Variants in OBSL1 observed in about 807,000 individuals in gnomAD.
OBSL1 encodes the protein obscurin like cytoskeletal adaptor 1.
A neutral mutation model predicts 172.0 loss-of-function variants in OBSL1; 160 were observed. The ratio of observed to expected loss-of-function variants is 0.93; its 90% confidence interval spans 0.82 to 1.06. The LOEUF (loss-of-function observed/expected upper bound fraction) is 1.06. Ranked by LOEUF, OBSL1 falls within the 50% of genes least tolerant of loss-of-function variation. The pLI, the probability that OBSL1 is intolerant of heterozygous loss-of-function variation, is 0.00. For synonymous variants in OBSL1, 1,200 were observed against 1,196.3 expected (o/e 1.00, Z -0.06); for missense variants, 2,681 against 2,715.4 (o/e 0.99, Z 0.28).
chr2:219,552,657 G>T lies in OBSL1; in HGVS notation c.5187C>A (p.Ser1729Arg). ...VAVLSELRSV[S>R]AREGDGATFE... ...ACGTAGCGCCGTCGCCTTCGCGGGC[G>T]CTCACCGACCGCAGCTCGGAGAGTA... The change falls in exon 18 of 21, where the codon AGC becomes AGA. Residue 1729 changes from serine (S) to arginine (R), a missense_variant. By Grantham distance (110) the Ser-to-Arg change is moderately radical. Around this residue, in one of 5 missense-constraint regions of OBSL1, gnomAD observed 1,765 missense variants for 1,748.3 expected, o/e 1.01. Transcript: ENST00000404537. 2 of 1,543,160 alleles carry T rather than the reference G, an allele frequency of 1.3e-6. No individual in the cohort carries two copies. The highest frequency in any genetic ancestry group is 1.7e-6 in the Non-Finnish European group (2 of 1,148,518).
rs1314315972 is a variant in OBSL1, at chr2:219,562,588, A to G, written c.2767T>C (p.Cys923Arg). 2 of 1,612,108 alleles carry G rather than the reference A, an allele frequency of 1.2e-6. No homozygotes were observed. Among genetic ancestry groups the G allele is most frequent in the African/African-American group, 1.3e-5 (1 of 75,022 alleles). The change falls in exon 8 of 21, where the codon TGC becomes CGC. Residue 923 changes from cysteine (C) to arginine (R), a missense_variant. Cys to Arg is a radical substitution (Grantham distance 180). This residue lies in a region of OBSL1 where 1,765 missense variants were observed against 1,748.3 expected (regional missense o/e 1.01). Coordinates refer to ENST00000404537, the MANE Select transcript of OBSL1 (RefSeq NM_015311.3). ...CAGCGCACCTCTGCCCAGGGCCGGC[A>G]TAGCTCACAGGTCAGCACCACACGC... ...LERVVLTCEL[C>R]RPWAEVRWTK...
chr2:219,570,661 CTCGCG>C lies in OBSL1; in HGVS notation c.567_571del (p.Ala190ProfsTer62). 1 of 1,507,844 alleles carries C rather than the reference CTCGCG, an allele frequency of 6.6e-7. No homozygotes were observed. 93.4% of individuals were successfully genotyped at this position (1,507,844 alleles called of 1,614,324 possible). A position where few individuals can be genotyped will look rare whatever the true frequency, so the allele number is the denominator to read the frequency against. On this transcript the variant is annotated frameshift_variant, in exon 1 of 21. Transcript: ENST00000404537. LOFTEE classifies it high-confidence loss of function. ...AGCCGCCAGGATGCGCAGTGCCAGG[CTCGCG>C]CCGGGGCCGTCCTCGGCGCGGCCCG...
chr2:219,568,334 G>T lies in OBSL1; in HGVS notation c.1013-10C>A, dbSNP rs753624080. 1.9e-6 allele frequency: 3 copies of T among 1,593,954 alleles called. No individual in the cohort carries two copies. The highest frequency in any genetic ancestry group is 1.7e-5 in the Admixed American group (1 of 57,406). On this transcript the variant is annotated splice_polypyrimidine_tract_variant and intron_variant, in intron 1 of 20. Transcript: ENST00000404537. This position sits in a 1 kb window ranked among gnomAD's most constrained non-coding sequence, Gnocchi z 4.1. ...AACCGGAGGCGGGGCTCTGTGGAGAGGGGAGAGAGAGACAAGAGAGGGCTC... is the reference window on the plus strand; with the variant it reads ...AACCGGAGGCGGGGCTCTGTGGAGATGGGAGAGAGAGACAAGAGAGGGCTC...
chr2:219,570,045 C>A (rs1697218980), intron 1 of OBSL1, among the ~76,000 whole-genome samples, 176 bp downstream of exon 1: 1 of 152,198 alleles, frequency 6.6e-6, no homozygotes. Flanking sequence ...ACCCTGGAGA[C>A]CTACTAAATC....
Position 219,557,422 on chromosome 2 carries a change from C to T in OBSL1, c.3987G>A (p.Gln1329=). The T allele has an allele frequency of 1.9e-6, 3 of 1,549,192 alleles. No homozygotes were observed. Among genetic ancestry groups the T allele is most frequent in the Non-Finnish European group, 1.7e-6 (2 of 1,147,076 alleles). Residue 1329 remains glutamine, a synonymous_variant, in exon 12 of 21, where the codon CAG becomes CAA. Transcript: ENST00000404537. The part of the protein sequence containing the change: ...QAGARQVLRV[Q]GARSGDAGEY... ...CCCCAGCGTCCCCGCTCCGTGCCCC[C>T]TGCACCCGCAGCACCTGCCTGGCCC...
In OBSL1 at chr2:219,554,656, T is replaced by C. The variant is rs1311794473; in HGVS notation, c.4694A>G (p.Gln1565Arg). Residue 1565 changes from glutamine to arginine, a missense_variant, in exon 15 of 21, where the codon CAG becomes CGG. Physicochemically the swap from Gln to Arg is conservative, Grantham distance 43. Around this residue, in one of 5 missense-constraint regions of OBSL1, gnomAD observed 1,765 missense variants for 1,748.3 expected, o/e 1.01. Coordinates refer to ENST00000404537, the MANE Select transcript of OBSL1 (RefSeq NM_015311.3). ...GGCCCACTCCCCGGTCACACCTTCCTGGGACAGCTCCAGCTGGAAGGTGGC... is the reference window on the plus strand; with the variant it reads ...GGCCCACTCCCCGGTCACACCTTCCCGGGACAGCTCCAGCTGGAAGGTGGC... ...GSATFQLELS[Q>R]EGVTGEWARG... is the part of the protein sequence containing the mutation. 1 of 1,607,120 alleles carries C rather than the reference T, an allele frequency of 6.2e-7. No homozygotes were observed.
At position 219,570,721 on chromosome 2, in the gene OBSL1, A is replaced by C; in HGVS notation, c.512T>G (p.Val171Gly). ...GAGCGCGAAGTGGCTGCTGTCCCAC[A>C]CTTCGTCCAGGGCCATCCCGTCCTT... ...WEKDGMALDEVWDSSHFALQP... is the reference protein window; with the variant it reads ...WEKDGMALDEGWDSSHFALQP... Residue 171 changes from valine (V) to glycine (G), a missense_variant, in exon 1 of 21, where the codon GTG becomes GGG. Around this residue, in one of 5 missense-constraint regions of OBSL1, gnomAD observed 706 missense variants for 695.8 expected, o/e 1.01. Transcript: ENST00000404537. 2 of 1,510,686 alleles carry C rather than the reference A, an allele frequency of 1.3e-6. No individual in the cohort carries two copies. The highest frequency in any genetic ancestry group is 1.8e-6 in the Non-Finnish European group (2 of 1,136,328). The allele number at this position is 1,510,686 out of a possible 1,614,324, so 93.6% of individuals were successfully genotyped here. A position where few individuals can be genotyped will look rare whatever the true frequency, so the allele number is the denominator to read the frequency against.
At chr2:219,569,868 G>C (rs1697207865) in intron 1 of OBSL1, among the ~76,000 whole-genome samples, 1 of 152,224 alleles carries the variant, frequency 6.6e-6, no homozygotes, top group Admixed American at 6.5e-5. Flanking sequence ...TTGGGGCTCT[G>C]GTTGTGAATT....
At chr2:219,557,104 G>A (rs142375064) in intron 12 of OBSL1, 178 of 499,026 alleles carry the variant, frequency 3.6e-4, no homozygotes, top group African/African-American at 2.9e-3. Flanking sequence ...ACAGAATCTA[G>A]GCTGGAACCT....
At chr2:219,548,064 G>A (rs1475227165), downstream of OBSL1, 1 of 1,566,328 alleles carries the variant, frequency 6.4e-7, no homozygotes, top group East Asian at 2.3e-5. Flanking sequence ...ACAGCTGAGG[G>A]GGACTCCCAC....
chr2:219,570,454 C>A lies in OBSL1; in HGVS notation c.779G>T (p.Gly260Val). 2 of 1,613,116 alleles carry A rather than the reference C, an allele frequency of 1.2e-6. No homozygotes were observed. Among genetic ancestry groups the A allele is most frequent in the Non-Finnish European group, 1.7e-6 (2 of 1,179,564 alleles). ...GTAGCAGCGGAACTTGGCGTGCTTG[C>A]CCTCGTTCACCCAGAAGGTCTTAGG... Reference protein sequence around the residue: ...CAPKTFWVNEGKHAKFRCYVM... With the variant: ...CAPKTFWVNEVKHAKFRCYVM... The change falls in exon 1 of 21, where the codon GGC (glycine) becomes GTC (valine). Residue 260 changes from glycine (G) to valine (V), a missense_variant. Gly to Val is a moderately radical substitution (Grantham distance 109). Coordinates refer to ENST00000404537, the MANE Select transcript of OBSL1 (RefSeq NM_015311.3).
chr2:219,568,391 T>G lies in OBSL1; in HGVS notation c.1013-67A>C. On this transcript the variant is annotated intron_variant, in intron 1 of 20. Coordinates refer to ENST00000404537, the MANE Select transcript of OBSL1 (RefSeq NM_015311.3). The surrounding 1 kb of genome is among the most constrained non-coding windows in gnomAD (Gnocchi z 4.1). The stretch of plus-strand genomic sequence containing the variant: ...AGGCCCAGACTAGGAGTAGGATACC[T>G]AGAAGCGCATTAGCTCATGCTGTGT... 7.0e-7 allele frequency: 1 copy of G among 1,437,552 alleles called. No individual in the cohort carries two copies. Among genetic ancestry groups the G allele is most frequent in the Admixed American group, 2.1e-5 (1 of 46,610 alleles). The allele number at this position is 1,437,552 out of a possible 1,614,324, so 89.0% of individuals were successfully genotyped here.
In OBSL1 at chr2:219,563,595, G is replaced by C; in HGVS notation, c.2440C>G (p.His814Asp). ...PPVHIVDPRE[H>D]VFVHAITSEC... The stretch of plus-strand genomic sequence containing the variant: ...GAAGTTATGGCATGCACGAACACAT[G>C]TTCTCGGGGGTCCACGATGTGCACG... The change falls in exon 7 of 21, where the codon CAT (histidine) becomes GAT (aspartate). Residue 814 changes from histidine (H) to aspartate (D), a missense_variant. Physicochemically the swap from His to Asp is moderately conservative, Grantham distance 81. This residue lies in a region of OBSL1 where 1,765 missense variants were observed against 1,748.3 expected (regional missense o/e 1.01). Transcript: ENST00000404537. 6.2e-7 allele frequency: 1 copy of C among 1,613,604 alleles called. No homozygotes were observed. The highest frequency in any genetic ancestry group is 8.5e-7 in the Non-Finnish European group (1 of 1,179,734).
chr2:219,570,740 C>G lies in OBSL1; in HGVS notation c.493G>C (p.Gly165Arg). ...TCCCACACTTCGTCCAGGGCCATCC[C>G]GTCCTTCTCCCAGTACAGTGTGGGC... ...PEPTLYWEKD[G>R]MALDEVWDSS... is the part of the protein sequence containing the mutation. Residue 165 changes from glycine (G) to arginine (R), a missense_variant, in exon 1 of 21, where the codon GGG becomes CGG. Transcript: ENST00000404537. 1.3e-6 allele frequency: 2 copies of G among 1,510,510 alleles called. No homozygotes were observed. Among genetic ancestry groups the G allele is most frequent in the Non-Finnish European group, 8.8e-7 (1 of 1,136,508 alleles). The allele number at this position is 1,510,510 out of a possible 1,614,324, so 93.6% of individuals were successfully genotyped here.
At chr2:219,556,799 A>C in intron 12 of OBSL1, 76 bp from the exon 13 acceptor site, 1 of 1,442,226 alleles carries the variant, frequency 6.9e-7, no homozygotes, top group Middle Eastern at 1.8e-4. Context: ...CTCAGGATGC[A>C]GGCCCTCGTC....
rs562304796 is a variant in OBSL1 at position 219,556,698 on chromosome 2, C to T, written c.4092G>A (p.Ser1364=). 2.4e-5 allele frequency: 39 copies of T among 1,604,144 alleles called. No individual in the cohort carries two copies. Among genetic ancestry groups the T allele is most frequent in the Admixed American group, 1.7e-4 (10 of 59,826 alleles). ...VEEPLLVKLV[S]ELTPLTVHEG... ...CGTGGACAGTGAGTGGTGTCAGCTC[C>T]GAGACCAGCTTCACCAGCAGTGGCT... The change falls in exon 13 of 21, where the codon TCG becomes TCA. Residue 1364 remains serine, a synonymous_variant. Coordinates refer to ENST00000404537, the MANE Select transcript of OBSL1 (RefSeq NM_015311.3).
chr2:219,551,529 C>A lies in OBSL1; in HGVS notation c.5683G>T (p.Gly1895Cys). The A allele has an allele frequency of 6.3e-7, 1 of 1,584,772 alleles. No homozygotes were observed. The highest frequency in any genetic ancestry group is 1.2e-5 in the South Asian group (1 of 86,894). Residue 1895 changes from glycine (G) to cysteine (C), a missense_variant and splice_region_variant, in exon 20 of 21, where the codon GGC becomes TGC. Coordinates refer to ENST00000404537, the MANE Select transcript of OBSL1 (RefSeq NM_015311.3). ...CCGCTGCCCAGTTGGCTTTACTCAC[C>A]CTCTACCAGCAGCCGTGTGTGGGTG... Reference protein sequence around the residue: ...DSTHTRLLVEGN With the variant: ...DSTHTRLLVECN
intron 14 of OBSL1, chr2:219,555,564 G>A: frequency 1.1e-6 from 1 of 906,370 alleles, no homozygotes; most frequent in Non-Finnish European, 1.3e-6. Context: ...ATAGGCGTGA[G>A]CCACTGCACC....
intron 3 of OBSL1, 34 bp from the exon 4 acceptor site, chr2:219,567,609 C>G (rs1450332267): frequency 6.3e-7 from 1 of 1,596,152 alleles, no homozygotes; most frequent in Admixed American, 1.7e-5. Context: ...TCCGGCCTTG[C>G]TTGGGCCTCC....
Sources: gnomAD v4.1 joint callset for allele counts (sites outside exome capture counted in the v4.1 genomes callset) on GRCh38, gnomAD v4.1.1 for gene constraint, gnomAD v4.1.1 regional missense constraint, Gnocchi (gnomAD v3.1) non-coding constraint, MANE v1.5 for transcripts, NCBI Gene and HGNC (gene_info 2026-07-23, HGNC 2026-07-21) for gene names.